Variants in ELMO1 observed in about 807,000 individuals in gnomAD.
ELMO1 encodes engulfment and cell motility protein 1.
ELMO1 carries 26 observed loss-of-function variants against 98.9 expected under a neutral mutation model. That is an observed-to-expected ratio of 0.26 (90% CI 0.19 to 0.36). The LOEUF (loss-of-function observed/expected upper bound fraction) is 0.36. Among genes scored for constraint, ELMO1 ranks in the 10% least tolerant of loss-of-function variants. The pLI, the probability that ELMO1 is intolerant of heterozygous loss-of-function variation, is 1.00. For missense variants in ELMO1, 627 were observed against 935.2 expected, an observed-to-expected ratio of 0.67 and a Z score of 4.30; for synonymous variants, 346 against 346.0, an observed-to-expected ratio of 1.00 and a Z score of 0.00.
At chr7:36,891,177 A>G in intron 17 of ELMO1, among the ~76,000 whole-genome samples, 1 of 152,220 alleles carries the variant, frequency 6.6e-6, no homozygotes, top group East Asian at 1.9e-4. Context: ...CATCTTATTC[A>G]CCATGTGTAT....
intron 16 of ELMO1, among the ~76,000 whole-genome samples, chr7:37,011,264 A>T (rs1793533673): frequency 6.6e-6 from 1 of 152,150 alleles, no homozygotes. Flanking sequence ...AACAGGCAGG[A>T]TGTCTGCCAC....
intron 8 of ELMO1, among the ~76,000 whole-genome samples, chr7:37,230,684 C>G (rs1490885668): frequency 6.6e-6 from 1 of 152,196 alleles, no homozygotes; most frequent in East Asian, 1.9e-4. Context: ...GCAAAAGAGG[C>G]TCTCATAACA....
intron 16 of ELMO1, among the ~76,000 whole-genome samples, chr7:36,965,346 G>C (rs1206351043): frequency 1.3e-5 from 2 of 152,134 alleles, no homozygotes; most frequent in Admixed American, 1.3e-4. Context: ...ATAAATATTT[G>C]TTCCAGCAGA....
chr7:37,137,542 A>AT (rs199815409), intron 13 of ELMO1, among the ~76,000 whole-genome samples: 14,335 of 147,320 alleles, frequency 0.097, 695 homozygotes, highest in Middle Eastern at 0.16. Context: ...AGTCTCAGTA[A>AT]TTTTTTTTTT....
At chr7:37,067,260 C>T (rs1052128572) in intron 15 of ELMO1, among the ~76,000 whole-genome samples, 1 of 152,150 alleles carries the variant, frequency 6.6e-6, no homozygotes, top group Non-Finnish European at 1.5e-5. Context: ...TCACATGGTG[C>T]TAAGGTGCCC....
chr7:37,123,944 C>T (rs894185208), intron 14 of ELMO1, among the ~76,000 whole-genome samples: 7 of 152,226 alleles, frequency 4.6e-5, no homozygotes, highest in African/African-American at 1.7e-4. Flanking sequence ...CCACCATGAT[C>T]AAGTGGGCTT....
chr7:37,280,908 T>G (rs1797099299), intron 4 of ELMO1, among the ~76,000 whole-genome samples: 1 of 151,636 alleles, frequency 6.6e-6, no homozygotes, highest in Non-Finnish European at 1.5e-5. Context: ...ACATGCACGT[T>G]TATAGCAGCA....
At chr7:37,147,348 T>C (rs74900928) in intron 13 of ELMO1, among the ~76,000 whole-genome samples, 1,835 of 152,192 alleles carry the variant, frequency 0.012, 38 homozygotes, top group African/African-American at 0.043. Context: ...TCCTTAACAC[T>C]TCCGCTCATC....
chr7:37,014,403 T>C (rs1030517409), intron 15 of ELMO1, among the ~76,000 whole-genome samples: 25 of 152,130 alleles, frequency 1.6e-4, no homozygotes, highest in African/African-American at 5.6e-4. Flanking sequence ...TGAAAGTCTT[T>C]CTATTTTATT....
intron 13 of ELMO1, among the ~76,000 whole-genome samples, chr7:37,186,334 G>C (rs969679851): frequency 1.3e-5 from 2 of 151,694 alleles, no homozygotes; most frequent in Non-Finnish European, 2.9e-5. Flanking sequence ...TAAATATAAG[G>C]GTGAAAATTA....
intron 1 of ELMO1, among the ~76,000 whole-genome samples, chr7:37,430,890 A>C (rs181951246): frequency 6.6e-6 from 1 of 152,210 alleles, no homozygotes; most frequent in African/African-American, 2.4e-5. Context: ...TTCAACATGG[A>C]TCTGTGTAGG....
intron 16 of ELMO1, among the ~76,000 whole-genome samples, chr7:36,956,633 C>A (rs1788471106): frequency 6.6e-6 from 1 of 152,200 alleles, no homozygotes; most frequent in Admixed American, 6.5e-5. Flanking sequence ...GACTTGAAGA[C>A]TACCAAGTGA....
At chr7:37,050,836 A>G (rs1477819590) in intron 15 of ELMO1, among the ~76,000 whole-genome samples, 1 of 151,180 alleles carries the variant, frequency 6.6e-6, no homozygotes, top group African/African-American at 2.4e-5. Context: ...TTTAATCACA[A>G]CCTTATCTGC....
chr7:37,048,522 A>G (rs1481564518), intron 15 of ELMO1, among the ~76,000 whole-genome samples: 1 of 152,218 alleles, frequency 6.6e-6, no homozygotes, highest in Non-Finnish European at 1.5e-5. Context: ...TTGGTACCAG[A>G]GAGTAGAAGC....
chr7:37,253,737 CAAAAAGCCCAGCCTTGGGT>C (rs1399837766), intron 6 of ELMO1, among the ~76,000 whole-genome samples: 1 of 130,540 alleles, frequency 7.7e-6, no homozygotes, highest in Non-Finnish European at 1.7e-5. Flanking sequence ...AAAAAAAAAA[CAAAAAGCCCAGCCTTGGGT>C]AATGAGGGGC....
chr7:37,204,104 C>T (rs1563075372), intron 13 of ELMO1: 2 of 456,362 alleles, frequency 4.4e-6, no homozygotes, highest in Non-Finnish European at 8.8e-6. Flanking sequence ...TCCGACGGTA[C>T]TCACCATTTG....
chr7:37,129,802 A>G (rs1056093048), intron 14 of ELMO1, among the ~76,000 whole-genome samples: 1 of 152,190 alleles, frequency 6.6e-6, no homozygotes, highest in Non-Finnish European at 1.5e-5. Context: ...CATTTAAAAC[A>G]CTTCAGAAAT....
chr7:36,877,518 G>A (rs1049245107), intron 19 of ELMO1, among the ~76,000 whole-genome samples: 1 of 152,122 alleles, frequency 6.6e-6, no homozygotes, highest in African/African-American at 2.4e-5. Context: ...TAGAGGTAAC[G>A]GATCATCATT....
intron 16 of ELMO1, among the ~76,000 whole-genome samples, chr7:36,904,669 C>T (rs748555836): frequency 4.1e-4 from 62 of 152,304 alleles, no homozygotes; most frequent in Admixed American, 7.8e-4. Flanking sequence ...ACCAGCAATT[C>T]ATCTTAAACT....
Sources: allele counts gnomAD v4.1 joint callset (sites outside exome capture counted in the v4.1 genomes callset), GRCh38; gene constraint gnomAD v4.1.1; transcripts MANE v1.5; gene names NCBI Gene and HGNC (gene_info 2026-07-23, HGNC 2026-07-21).